The following PDE1A variants were observed in gnomAD, a reference collection of about 807,000 sequenced individuals.
PDE1A encodes the protein dual specificity calcium/calmodulin-dependent 3',5'-cyclic nucleotide phosphodiesterase 1A.
A neutral mutation model predicts 61.7 loss-of-function variants in PDE1A; 35 were observed. That is an observed-to-expected ratio of 0.57 (90% CI 0.43 to 0.75). The LOEUF is 0.75. Among genes scored for constraint, PDE1A ranks in the 30% least tolerant of loss-of-function variants. The pLI is 0.00. For synonymous variants in PDE1A, 232 were observed against 213.2 expected (o/e 1.09, Z -0.77); for missense variants, 597 against 630.6 (o/e 0.95, Z 0.57).
At chr2:182,293,251 T>G (rs1694655359) in intron 1 of PDE1A, among the ~76,000 whole-genome samples, 1 of 152,006 alleles carries the variant, frequency 6.6e-6, no homozygotes, top group Non-Finnish European at 1.5e-5. Flanking sequence ...AATTTGAAAG[T>G]AAAAGGATGG....
intron 2 of PDE1A, among the ~76,000 whole-genome samples, chr2:182,250,710 T>G (rs1462406920): frequency 6.6e-6 from 1 of 152,142 alleles, no homozygotes; most frequent in Non-Finnish European, 1.5e-5. Context: ...GAGAAGTCAG[T>G]TATGCCGACC....
intron 1 of PDE1A, among the ~76,000 whole-genome samples, chr2:182,402,022 G>A (rs879955095): frequency 1.3e-5 from 2 of 152,126 alleles, no homozygotes; most frequent in Admixed American, 1.3e-4. Context: ...AAAAATATGA[G>A]AAGACACAAA....
At chr2:182,270,855 G>A (rs1359398785) in intron 1 of PDE1A, among the ~76,000 whole-genome samples, 1 of 151,692 alleles carries the variant, frequency 6.6e-6, no homozygotes, top group Non-Finnish European at 1.5e-5. Flanking sequence ...ACAATAAAAA[G>A]TTGATAATAA....
the PDE1A span, among the ~76,000 whole-genome samples, chr2:182,528,959 G>T: frequency 6.6e-6 from 1 of 152,228 alleles, no homozygotes; most frequent in African/African-American, 2.4e-5. Context: ...GAAGTTTGCT[G>T]CTGGGGTGGG....
At chr2:182,596,679 CTGGA>C in the PDE1A span, among the ~76,000 whole-genome samples, 14,944 of 149,042 alleles carry the variant, frequency 0.1, 2,015 homozygotes, top group African/African-American at 0.32. Context: ...GAATAATAAA[CTGGA>C]TGGATGGATG....
chr2:182,442,729 A>T (rs1684874470), intron 2 of PDE1A, among the ~76,000 whole-genome samples: 1 of 151,984 alleles, frequency 6.6e-6, no homozygotes, highest in African/African-American at 2.4e-5. Context: ...AAATTTGAAA[A>T]TTTTTTTAAA....
chr2:182,403,598 CAA>C (rs548993514), intron 1 of PDE1A, among the ~76,000 whole-genome samples: 13 of 77,614 alleles, frequency 1.7e-4, no homozygotes, highest in Admixed American at 2.9e-4. Flanking sequence ...GACTCCGTCT[CAA>C]AAAAAAAAAA....
the PDE1A span, among the ~76,000 whole-genome samples, chr2:182,581,501 C>A: frequency 6.6e-6 from 1 of 152,026 alleles, no homozygotes; most frequent in Admixed American, 6.6e-5. Flanking sequence ...CTCATTTTTA[C>A]CTAAAGGAAT....
chr2:182,635,935 G>A, the PDE1A span, among the ~76,000 whole-genome samples: 5 of 144,884 alleles, frequency 3.5e-5, no homozygotes, highest in Non-Finnish European at 6.0e-5. Context: ...GCTTCTGCTC[G>A]ATCTCACCGG....
downstream of PDE1A, among the ~76,000 whole-genome samples, chr2:182,145,226 C>T (rs2125258238): frequency 6.6e-6 from 1 of 152,236 alleles, no homozygotes; most frequent in Admixed American, 6.5e-5. Context: ...CAGCAGAATT[C>T]TATTGAGGTT....
In PDE1A at chr2:182,197,341, C is replaced by A. The variant is rs532170814; in HGVS notation, c.1125+4098G>T. 2.7e-5 allele frequency among the ~76,000 whole-genome samples: 4 copies of A among 148,512 alleles called. No individual in the cohort carries two copies. In the South Asian group the frequency reaches 6.5e-4, roughly 24 times the overall value. On this transcript the variant is annotated intron_variant, in intron 10 of 13. Coordinates refer to ENST00000351439, the Ensembl canonical transcript of PDE1A. ...GATATTTGTAGTACAAATATTTTCT[C>A]TCAGTCTATGGTTTGCATTTTCTTA...
At chr2:182,286,892 G>A (rs1694202086) in intron 1 of PDE1A, among the ~76,000 whole-genome samples, 1 of 152,112 alleles carries the variant, frequency 6.6e-6, no homozygotes. Flanking sequence ...TTCCAGCCTA[G>A]TCCTTTTGCA....
chr2:182,705,103 A>G, the PDE1A span, among the ~76,000 whole-genome samples: 1 of 152,260 alleles, frequency 6.6e-6, no homozygotes. Context: ...AAAAGGTTTA[A>G]CTTTAAAAAT....
At chr2:182,499,174 T>G (rs1372403981) in intron 2 of PDE1A, among the ~76,000 whole-genome samples, 1 of 27,454 alleles carries the variant, frequency 3.6e-5, no homozygotes, top group South Asian at 1.8e-3. Context: ...CTTTTTCTTG[T>G]TTTTTTTTTT....
At chr2:182,528,440 G>T in the PDE1A span, among the ~76,000 whole-genome samples, 1 of 152,142 alleles carries the variant, frequency 6.6e-6, no homozygotes, top group African/African-American at 2.4e-5. Context: ...AAGTGACTTG[G>T]GTACTGTTAA....
chr2:182,525,923 A>G (rs1467922375), upstream of PDE1A, among the ~76,000 whole-genome samples: 1 of 132,086 alleles, frequency 7.6e-6, no homozygotes, highest in Non-Finnish European at 1.7e-5. Flanking sequence ...CTGAAAAAAG[A>G]AAAAAAAGTA....
chr2:182,695,645 C>T, the PDE1A span, among the ~76,000 whole-genome samples: 7 of 117,202 alleles, frequency 6.0e-5, no homozygotes, highest in African/African-American at 2.1e-4. Context: ...CCAGCCTGGG[C>T]GACAGAACAA....
At chr2:182,537,448 T>C in the PDE1A span, among the ~76,000 whole-genome samples, 1 of 151,846 alleles carries the variant, frequency 6.6e-6, no homozygotes, top group East Asian at 1.9e-4. Context: ...AGTTGAACAA[T>C]GAGAACATAT....
At chr2:182,508,870 T>C (rs1689597006) in intron 2 of PDE1A, among the ~76,000 whole-genome samples, 1 of 151,428 alleles carries the variant, frequency 6.6e-6, no homozygotes, top group South Asian at 2.1e-4. Context: ...GCAGGTTAGT[T>C]ACATACGTAT....
Sources: allele counts gnomAD v4.1 joint callset (sites outside exome capture counted in the v4.1 genomes callset), GRCh38; gene constraint gnomAD v4.1.1; transcripts MANE v1.5; gene names NCBI Gene and HGNC (gene_info 2026-07-23, HGNC 2026-07-21).